ATP8A2: variants seen among roughly 807,000 people sequenced by gnomAD.
ATP8A2 encodes ATPase phospholipid transporting 8A2.
Under a neutral mutation model 165.6 loss-of-function variants are expected in ATP8A2, and 100 were observed. The observed-to-expected ratio is 0.60, with a 90% CI of 0.51 to 0.71. The LOEUF is 0.71. ATP8A2 is among the 30% of genes least tolerant of loss of function. The probability of loss-of-function intolerance (pLI) is 0.00; values close to 1 mark genes in which losing one functional copy is unlikely to be tolerated. For missense variants in ATP8A2, 1,227 were observed against 1,479.5 expected (o/e 0.83, Z 2.80); for synonymous variants, 543 against 548.8 (o/e 0.99, Z 0.15).
rs1955432491 is a variant in ATP8A2 at position 25,953,542 on chromosome 13, A to AAAAAAAAC, written c.3184-8029_3184-8028insAAACAAAA. Among the ~76,000 whole-genome samples the AAAAAAAAC allele has an allele frequency of 1.5e-5, 2 of 137,134 alleles. No individual in the cohort carries two copies. The highest frequency in any genetic ancestry group is 5.5e-5 in the African/African-American group (2 of 36,044). 90.0% of individuals were successfully genotyped at this position (137,134 alleles called of 152,430 possible). A position where few individuals can be genotyped will look rare whatever the true frequency, so the allele number is the denominator to read the frequency against. ...CTTTTTAAAAAAAAAAAAAAAAAAA[A>AAAAAAAAC]AAAAGCAAGGGAAATAGGCAAGACG... On this transcript the variant is annotated intron_variant, in intron 33 of 36. Transcript: ENST00000381655. This position sits in a 1 kb window ranked among gnomAD's most constrained non-coding sequence, Gnocchi z 6.7.
intron 1 of ATP8A2, among the ~76,000 whole-genome samples, chr13:25,444,560 A>G (rs73473708): frequency 0.085 from 12,832 of 151,748 alleles, 691 homozygotes; most frequent in South Asian, 0.18. Context: ...TTTAAACCAT[A>G]CTTATGGGTG....
At chr13:25,381,873 T>C (rs576156033) in intron 1 of ATP8A2, among the ~76,000 whole-genome samples, 2 of 152,310 alleles carry the variant, frequency 1.3e-5, no homozygotes, top group South Asian at 4.1e-4. Context: ...CAGGGCAATG[T>C]CGGCAGTGTT....
At chr13:25,508,788 T>C (rs1049376095) in intron 2 of ATP8A2, among the ~76,000 whole-genome samples, 1 of 152,256 alleles carries the variant, frequency 6.6e-6, no homozygotes, top group Non-Finnish European at 1.5e-5. Context: ...CGCTTCAGAA[T>C]GTCTGCCCCA....
At position 25,528,754 on chromosome 13, in the gene ATP8A2, T is replaced by C. The variant is rs28667755; in HGVS notation, c.222-1245T>C. ...CATACATATGCAACTTGTGTATGCATACATATGCAACATGTGTATGCACAC... is the reference window on the plus strand; with the variant it reads ...CATACATATGCAACTTGTGTATGCACACATATGCAACATGTGTATGCACAC... On this transcript the variant is annotated intron_variant, in intron 2 of 36. Coordinates refer to ENST00000381655, the MANE Select transcript of ATP8A2 (RefSeq NM_016529.6). 4.2e-3 allele frequency among the ~76,000 whole-genome samples: 590 copies of C among 140,026 alleles called. 9 individuals carry two copies. The highest frequency in any genetic ancestry group is 9.3e-3 in the South Asian group (41 of 4,428). The allele number at this position is 140,026 out of a possible 152,430, so 91.9% of individuals were successfully genotyped here.
intron 24 of ATP8A2, among the ~76,000 whole-genome samples, chr13:25,658,714 T>G (rs1372446804): frequency 2.0e-5 from 3 of 152,314 alleles, no homozygotes; most frequent in Admixed American, 6.5e-5. Flanking sequence ...AGAGATTCAG[T>G]CACAGATTTG....
intron 25 of ATP8A2, among the ~76,000 whole-genome samples, chr13:25,711,877 G>T (rs1368579615): frequency 6.6e-6 from 1 of 152,176 alleles, no homozygotes; most frequent in Non-Finnish European, 1.5e-5. Context: ...GAGAGCTCAT[G>T]TCAGAGGGGG....
intron 35 of ATP8A2, among the ~76,000 whole-genome samples, chr13:25,978,667 C>T (rs1048019972): frequency 1.4e-4 from 21 of 152,126 alleles, no homozygotes; most frequent in Admixed American, 2.0e-4. Flanking sequence ...AGAGGCCGGG[C>T]GCGGTGGCTC....
At chr13:25,922,966 T>C (rs1263634972) in intron 33 of ATP8A2, among the ~76,000 whole-genome samples, 1 of 152,188 alleles carries the variant, frequency 6.6e-6, no homozygotes, top group Non-Finnish European at 1.5e-5. Flanking sequence ...CCCTGCGCCA[T>C]GTTGATCCAG....
chr13:25,748,181 A>T (rs2044075857), intron 25 of ATP8A2, among the ~76,000 whole-genome samples: 1 of 152,234 alleles, frequency 6.6e-6, no homozygotes, highest in African/African-American at 2.4e-5. Flanking sequence ...GCTAGTTTAA[A>T]TTAAGAACAA....
At chr13:25,692,988 G>T (rs116243783) in intron 24 of ATP8A2, among the ~76,000 whole-genome samples, 480 of 152,264 alleles carry the variant, frequency 3.2e-3, no homozygotes, top group African/African-American at 0.01. Flanking sequence ...TAAAGATTTT[G>T]GAATATTTTT....
intron 2 of ATP8A2, among the ~76,000 whole-genome samples, chr13:25,514,648 G>A (rs61948594): frequency 0.038 from 5,839 of 152,240 alleles, 145 homozygotes; most frequent in Non-Finnish European, 0.05. Context: ...CTTTTGCTTC[G>A]AACTCTTTAT....
intron 24 of ATP8A2, among the ~76,000 whole-genome samples, chr13:25,696,932 A>G (rs1313688253): frequency 6.6e-6 from 1 of 152,200 alleles, no homozygotes; most frequent in Non-Finnish European, 1.5e-5. Flanking sequence ...AACAATTTCA[A>G]TAGTAACATC....
At chr13:25,503,434 T>A (rs2036920485) in intron 2 of ATP8A2, among the ~76,000 whole-genome samples, 1 of 152,158 alleles carries the variant, frequency 6.6e-6, no homozygotes, top group Non-Finnish European at 1.5e-5. Context: ...ACTTTCCAGC[T>A]GCAGGAGTTG....
chr13:25,904,989 T>A (rs1367225338), intron 33 of ATP8A2, among the ~76,000 whole-genome samples: 2 of 152,248 alleles, frequency 1.3e-5, no homozygotes, highest in Non-Finnish European at 2.9e-5. Flanking sequence ...GTCAGATACC[T>A]GCATGCGCAT....
rs78403814 is a variant in ATP8A2, at chr13:25,546,070, T to G, written c.891+2668T>G. ...TTTCCAATATTTCTTATACACTGGG[T>G]TTTTTTTTTAACAGATTGTAATATG... is the stretch of plus-strand genomic sequence containing the variant. On this transcript the variant is annotated intron_variant, in intron 10 of 36. Transcript: ENST00000381655. Among the ~76,000 whole-genome samples the G allele has an allele frequency of 1.2e-4, 3 of 25,690 alleles. No individual in the cohort carries two copies. The South Asian group carries it at 1.8e-3, about 16-fold the overall frequency. The allele number at this position is 25,690 out of a possible 152,430, so 16.9% of individuals were successfully genotyped here.
chr13:25,582,706 G>C (rs1410329639), intron 23 of ATP8A2, among the ~76,000 whole-genome samples: 3 of 152,170 alleles, frequency 2.0e-5, no homozygotes, highest in Non-Finnish European at 4.4e-5. Context: ...AAACCTGCTA[G>C]AGCCTTTGTA....
intron 7 of ATP8A2, among the ~76,000 whole-genome samples, chr13:25,539,171 A>ACTC (rs2137975982): frequency 6.6e-6 from 1 of 151,450 alleles, no homozygotes; most frequent in East Asian, 2.0e-4. Context: ...ATCATAGCTC[A>ACTC]CTGTAAGTTC....
chr13:25,924,388 C>G (rs999832015), intron 33 of ATP8A2, among the ~76,000 whole-genome samples: 2 of 152,116 alleles, frequency 1.3e-5, no homozygotes, highest in Non-Finnish European at 1.5e-5. Flanking sequence ...TCTCTCCTAA[C>G]TTCTGTTTTT....
intron 1 of ATP8A2, among the ~76,000 whole-genome samples, chr13:25,456,049 G>C (rs2035356174): frequency 6.6e-6 from 1 of 152,182 alleles, no homozygotes. Context: ...GGGCACTCTG[G>C]GAAGTCCAGA....
Sources: gnomAD v4.1 joint callset for allele counts (sites outside exome capture counted in the v4.1 genomes callset) on GRCh38, gnomAD v4.1.1 for gene constraint, Gnocchi (gnomAD v3.1) non-coding constraint, MANE v1.5 for transcripts, NCBI Gene and HGNC (gene_info 2026-07-23, HGNC 2026-07-21) for gene names.